The following WFDC8 variants were observed in gnomAD, a reference collection of about 807,000 sequenced individuals.
WFDC8 encodes WAP four-disulfide core domain protein 8.
Under a neutral mutation model 27.0 loss-of-function variants are expected in WFDC8, and 24 were observed. That is an observed-to-expected ratio of 0.89 (90% CI 0.64 to 1.25). The LOEUF is 1.25. Ranked by LOEUF, WFDC8 falls within the 50% of genes most tolerant of loss-of-function variation. The pLI is 0.00. For missense variants in WFDC8, 287 were observed against 295.9 expected, an observed-to-expected ratio of 0.97 and a Z score of 0.22; for synonymous variants, 106 against 99.7, an observed-to-expected ratio of 1.06 and a Z score of -0.38.
intron 1 of WFDC8, among the ~76,000 whole-genome samples, chr20:45,576,586 C>T (rs1034212803): frequency 6.6e-6 from 1 of 151,016 alleles, no homozygotes; most frequent in South Asian, 2.1e-4. Context: ...TTAGTAGAGA[C>T]GGGGTCTTTC....
At chr20:45,568,043 CACA>C (rs1453828167) in intron 1 of WFDC8, 2 of 308,018 alleles carry the variant, frequency 6.5e-6, no homozygotes, top group African/African-American at 4.4e-5. Flanking sequence ...TGCTCTAGTT[CACA>C]TCTTGTAGAG....
chr20:45,567,766 G>A (rs952050691), intron 1 of WFDC8, among the ~76,000 whole-genome samples: 2 of 152,192 alleles, frequency 1.3e-5, no homozygotes, highest in African/African-American at 4.8e-5. Context: ...ATAAAGATTT[G>A]TTAAATGAAA....
At chr20:45,555,195 A>G (rs1980193857) in intron 4 of WFDC8, among the ~76,000 whole-genome samples, 1 of 152,244 alleles carries the variant, frequency 6.6e-6, no homozygotes, top group Non-Finnish European at 1.5e-5. Flanking sequence ...TAAGTTTGGT[A>G]GGACACTGTT....
At chr20:45,553,591 G>A (rs1158591014) in intron 4 of WFDC8, among the ~76,000 whole-genome samples, 3 of 152,118 alleles carry the variant, frequency 2.0e-5, no homozygotes, top group Non-Finnish European at 4.4e-5. Flanking sequence ...TAGGGTATTT[G>A]GTTTTACTTA....
intron 1 of WFDC8, 108 bp from the exon 2 acceptor site, chr20:45,562,327 G>A: frequency 1.2e-6 from 1 of 840,664 alleles, no homozygotes; most frequent in Non-Finnish European, 1.9e-6. Flanking sequence ...TAGTTCACAG[G>A]TAAGAAGACT....
At chr20:45,575,651 G>A (rs6032343) in intron 1 of WFDC8, among the ~76,000 whole-genome samples, 60,531 of 150,656 alleles carry the variant, frequency 0.4, 13,876 homozygotes, top group Non-Finnish European at 0.45. Context: ...CACTTTGCAG[G>A]AAACTGAGCA....
chr20:45,556,046 G>A (rs1329523218), intron 3 of WFDC8, among the ~76,000 whole-genome samples, 178 bp from the exon 4 acceptor site: 1 of 152,168 alleles, frequency 6.6e-6, no homozygotes, highest in East Asian at 1.9e-4. Flanking sequence ...AGTCTATGTT[G>A]TATGGCACCT....
At chr20:45,578,964 G>A (rs113596673) in intron 1 of WFDC8, among the ~76,000 whole-genome samples, 6 of 152,028 alleles carry the variant, frequency 3.9e-5, no homozygotes, top group South Asian at 2.1e-4. Context: ...AAACTTAGCC[G>A]AGCGTGGTGG....
chr20:45,572,572 G>A (rs1389979934), intron 1 of WFDC8, among the ~76,000 whole-genome samples: 1 of 151,866 alleles, frequency 6.6e-6, no homozygotes, highest in African/African-American at 2.4e-5. Flanking sequence ...TAAACCTATT[G>A]GCTATTTGAA....
intron 3 of WFDC8, 122 bp from the exon 4 acceptor site, chr20:45,555,990 G>A: frequency 2.0e-6 from 2 of 1,013,788 alleles, no homozygotes; most frequent in Admixed American, 2.5e-5. Flanking sequence ...AGCCATGGCA[G>A]GGGAAAAAAA....
chr20:45,577,054 G>C (rs949565999), intron 1 of WFDC8, among the ~76,000 whole-genome samples: 2 of 151,370 alleles, frequency 1.3e-5, no homozygotes, highest in African/African-American at 4.8e-5. Context: ...AGGGATATGT[G>C]CAGAATGGCA....
In WFDC8 at chr20:45,552,259, A is replaced by T. The variant is rs1980061648; in HGVS notation, c.587-94T>A. ...TCTTGGGAATCTCAAACAAGGTTTTATTCTGATTAAGCTTCTTACCTTTCC... is the reference window on the plus strand; with the variant it reads ...TCTTGGGAATCTCAAACAAGGTTTTTTTCTGATTAAGCTTCTTACCTTTCC... On this transcript the variant is annotated intron_variant, in intron 5 of 5. Transcript: ENST00000289953. 2.7e-6 allele frequency: 4 copies of T among 1,479,836 alleles called. No individual in the cohort carries two copies. The Admixed American group carries it at 7.4e-5, about 27-fold the overall frequency. 91.7% of individuals were successfully genotyped at this position (1,479,836 alleles called of 1,614,324 possible).
chr20:45,555,549 G>T (rs907108760), intron 4 of WFDC8, 152 bp downstream of exon 4: 2 of 754,470 alleles, frequency 2.7e-6, no homozygotes, highest in African/African-American at 3.5e-5. Context: ...GCTTATAAAG[G>T]CAGGCAACTG....
chr20:45,566,425 G>C (rs1053913448), intron 1 of WFDC8, among the ~76,000 whole-genome samples: 2 of 152,262 alleles, frequency 1.3e-5, no homozygotes, highest in African/African-American at 4.8e-5. Context: ...ATTTTGGAAG[G>C]CTGAGTCAGG....
intron 1 of WFDC8, among the ~76,000 whole-genome samples, chr20:45,566,858 A>T (rs938009090): frequency 2.6e-5 from 4 of 152,168 alleles, no homozygotes; most frequent in Non-Finnish European, 5.9e-5. Context: ...ATGGATACCA[A>T]AATCCTTAGA....
At chr20:45,564,971 A>AAGAAAAAGAAAGAG (rs61100293) in intron 1 of WFDC8, among the ~76,000 whole-genome samples, 47,693 of 146,118 alleles carry the variant, frequency 0.33, 8,736 homozygotes, top group Non-Finnish European at 0.42. Context: ...GAAGGAAAGA[A>AAGAAAAAGAAAGAG]AGACAAAGAA....
At position 45,555,782 on chromosome 20, in the gene WFDC8, G is replaced by T; in HGVS notation, c.364C>A (p.Pro122Thr). 1 of 1,613,760 alleles carries T rather than the reference G, an allele frequency of 6.2e-7. No individual in the cohort carries two copies. The highest frequency in any genetic ancestry group is 1.1e-5 in the South Asian group (1 of 91,062). The change falls in exon 4 of 6, where the codon CCC becomes ACC. Residue 122 changes from proline (P) to threonine (T), a missense_variant. Transcript: ENST00000289953. ...HFDFKNYRCT[P>T]FKYRGCEGNA... ...CCTTCGCAGCCCCTGTATTTGAAGG[G>T]TGTGCAGCGGTAATTTTTAAAGTCA...
rs1980046571 is a variant in WFDC8 at position 45,551,897 on chromosome 20, C to T, written c.*129G>A. 3 of 1,163,022 alleles carry T rather than the reference C, an allele frequency of 2.6e-6. No individual in the cohort carries two copies. The highest frequency in any genetic ancestry group is 5.0e-5 in the East Asian group (2 of 39,896). 72.0% of individuals were successfully genotyped at this position (1,163,022 alleles called of 1,614,324 possible). On this transcript the variant is annotated 3_prime_UTR_variant, in exon 6 of 6. Coordinates refer to ENST00000289953, the MANE Select transcript of WFDC8 (RefSeq NM_130896.3). ...CAGATGATGGGATTATATATAAAAT[C>T]AAAGTAACATCATTCAATATTGTGA...
chr20:45,568,736 C>G, intron 1 of WFDC8: 1 of 513,362 alleles, frequency 1.9e-6, no homozygotes, highest in South Asian at 1.5e-5. Flanking sequence ...AGATGGTGAC[C>G]CATGCATAAC....
Sources: allele counts gnomAD v4.1 joint callset (sites outside exome capture counted in the v4.1 genomes callset), GRCh38; gene constraint gnomAD v4.1.1; transcripts MANE v1.5; gene names NCBI Gene and HGNC (gene_info 2026-07-23, HGNC 2026-07-21).